The following PDE11A variants were observed in gnomAD, a reference collection of about 807,000 sequenced individuals.
The protein encoded by PDE11A is phosphodiesterase 11A.
Under a neutral mutation model 100.5 loss-of-function variants are expected in PDE11A, and 100 were observed. That is an observed-to-expected ratio of 1.00 (90% CI 0.85 to 1.18). The LOEUF (loss-of-function observed/expected upper bound fraction) is 1.18, where lower values mean the gene tolerates loss of function less well. Among genes scored for constraint, PDE11A ranks in the 50% most tolerant of loss-of-function variants. The probability of loss-of-function intolerance (pLI) is 0.00; values close to 1 mark genes in which losing one functional copy is unlikely to be tolerated. For missense variants in PDE11A, 1,141 were observed against 1,152.6 expected, an observed-to-expected ratio of 0.99 and a Z score of 0.15; for synonymous variants, 381 against 420.8, an observed-to-expected ratio of 0.91 and a Z score of 1.16.
At chr2:178,006,823 AGG>A (rs3067362) in intron 2 of PDE11A, among the ~76,000 whole-genome samples, 132,838 of 149,988 alleles carry the variant, frequency 0.89, 58,661 homozygotes, top group East Asian at 0.99. Flanking sequence ...TGTCAAAACA[AGG>A]GGGGGGGGGG....
chr2:177,922,379 A>G (rs965944503), intron 2 of PDE11A, among the ~76,000 whole-genome samples: 1 of 152,200 alleles, frequency 6.6e-6, no homozygotes, highest in African/African-American at 2.4e-5. Context: ...TGGCACATGT[A>G]TACATATGTA....
At chr2:177,690,378 T>C (rs1290498112) in intron 15 of PDE11A, among the ~76,000 whole-genome samples, 1 of 152,218 alleles carries the variant, frequency 6.6e-6, no homozygotes, top group Admixed American at 6.5e-5. Context: ...ATGGGGTTGG[T>C]TGAGCGCAGG....
In PDE11A at chr2:177,997,499, T is replaced by C. The variant is rs1054258328; in HGVS notation, c.1071+16803A>G. 7.5e-6 allele frequency: 6 copies of C among 804,006 alleles called. No individual in the cohort carries two copies. In the African/African-American group the frequency reaches 8.4e-5, roughly 11 times the overall value. 49.8% of individuals were successfully genotyped at this position (804,006 alleles called of 1,614,324 possible). A position where few individuals can be genotyped will look rare whatever the true frequency, so the allele number is the denominator to read the frequency against. On this transcript the variant is annotated intron_variant, in intron 2 of 19. Coordinates refer to ENST00000286063, the MANE Select transcript of PDE11A (RefSeq NM_016953.4). ...GTGGAAGAGATCCTTGATTAAAACA[T>C]TGATATTGTTTGTTGCTTTCAATGC... is the stretch of plus-strand genomic sequence containing the variant.
rs543663261 is a variant in PDE11A, at chr2:178,043,907, A to G, written c.912+27619T>C. ...AAGCTTGGGCTCTTTTCACCATATT[A>G]TGTTACTTTGAAGAGTTAGCAATTT... is the stretch of plus-strand genomic sequence containing the variant. On this transcript the variant is annotated intron_variant, in intron 1 of 19. Coordinates refer to ENST00000286063, the MANE Select transcript of PDE11A (RefSeq NM_016953.4). Among the ~76,000 whole-genome samples, 6 of 152,298 alleles carry G rather than the reference A, an allele frequency of 3.9e-5. No individual in the cohort carries two copies. In the South Asian group the frequency reaches 1.2e-3, roughly 32 times the overall value.
chr2:177,823,231 T>C (rs1021257740), intron 6 of PDE11A, among the ~76,000 whole-genome samples: 3 of 152,144 alleles, frequency 2.0e-5, no homozygotes, highest in Non-Finnish European at 2.9e-5. Flanking sequence ...GTATTGAGGA[T>C]AGAAAAATGG....
At chr2:178,001,010 C>A (rs1312029358) in intron 2 of PDE11A, among the ~76,000 whole-genome samples, 1 of 151,944 alleles carries the variant, frequency 6.6e-6, no homozygotes, top group Non-Finnish European at 1.5e-5. Context: ...CCTGGCTTTG[C>A]AAGCACAAGT....
At chr2:177,671,596 TAACCCATCAATTTGGAGACA>T (rs2080683252) in intron 17 of PDE11A, among the ~76,000 whole-genome samples, 1 of 152,038 alleles carries the variant, frequency 6.6e-6, no homozygotes, top group South Asian at 2.1e-4. Flanking sequence ...AAAAAAAATT[TAACCCATCAATTTGGAGACA>T]AACAAGAATG....
At chr2:178,050,440 G>A (rs1311188690) in intron 1 of PDE11A, among the ~76,000 whole-genome samples, 1 of 152,144 alleles carries the variant, frequency 6.6e-6, no homozygotes, top group Non-Finnish European at 1.5e-5. Context: ...AAATCAGAGT[G>A]CCTCTTCTCC....
chr2:177,955,464 G>C (rs1385004701), intron 2 of PDE11A, among the ~76,000 whole-genome samples: 1 of 152,206 alleles, frequency 6.6e-6, no homozygotes, highest in African/African-American at 2.4e-5. Context: ...AATGAAGCTA[G>C]AGGTATAGCA....
chr2:177,649,635 G>C (rs2080280281), intron 19 of PDE11A, among the ~76,000 whole-genome samples: 1 of 152,098 alleles, frequency 6.6e-6, no homozygotes. Flanking sequence ...TATTTACATA[G>C]AAAACAATGT....
chr2:177,638,790 C>T (rs2080093167), intron 19 of PDE11A, among the ~76,000 whole-genome samples: 1 of 152,308 alleles, frequency 6.6e-6, no homozygotes, highest in South Asian at 2.1e-4. Flanking sequence ...CATCCAATGC[C>T]TCATGTATTT....
intron 2 of PDE11A, among the ~76,000 whole-genome samples, chr2:178,096,953 C>T (rs146199700): frequency 1.3e-5 from 2 of 152,182 alleles, no homozygotes; most frequent in African/African-American, 4.8e-5. Context: ...GTGGTGCAAT[C>T]GCAACTCATT....
intron 1 of PDE11A, among the ~76,000 whole-genome samples, chr2:178,051,189 G>A (rs1239841219): frequency 6.6e-6 from 1 of 152,190 alleles, no homozygotes; most frequent in Non-Finnish European, 1.5e-5. Flanking sequence ...AGAAGAGAGT[G>A]GGGGCCAATA....
intron 2 of PDE11A, among the ~76,000 whole-genome samples, chr2:177,984,013 G>A (rs1392234251): frequency 6.6e-6 from 1 of 152,184 alleles, no homozygotes; most frequent in Non-Finnish European, 1.5e-5. Context: ...TCTCTTTAAT[G>A]CACTGGTGCT....
intron 2 of PDE11A, among the ~76,000 whole-genome samples, chr2:177,956,117 C>G (rs1001475751): frequency 7.2e-5 from 11 of 151,984 alleles, no homozygotes; most frequent in African/African-American, 2.7e-4. Context: ...TCAGAGTGAA[C>G]AGGCAACCTA....
chr2:177,937,547 G>T (rs1177155576), intron 2 of PDE11A, among the ~76,000 whole-genome samples: 1 of 152,200 alleles, frequency 6.6e-6, no homozygotes, highest in East Asian at 1.9e-4. Context: ...TCAAACTCCT[G>T]ACCTCGTGAT....
intron 9 of PDE11A, among the ~76,000 whole-genome samples, chr2:177,808,899 G>T (rs940019339): frequency 2.0e-5 from 3 of 151,944 alleles, no homozygotes; most frequent in African/African-American, 7.3e-5. Flanking sequence ...AACAAAATGT[G>T]GTATATACTT....
At chr2:177,969,436 TA>T (rs563871244) in intron 2 of PDE11A, among the ~76,000 whole-genome samples, 4 of 151,234 alleles carry the variant, frequency 2.6e-5, no homozygotes, top group Admixed American at 6.6e-5. Flanking sequence ...AGTAAAATAA[TA>T]AAAAAAAACT....
intron 19 of PDE11A, among the ~76,000 whole-genome samples, chr2:177,634,629 C>G (rs1263046547): frequency 1.3e-5 from 2 of 152,072 alleles, no homozygotes; most frequent in East Asian, 3.9e-4. Flanking sequence ...ACCTCGTGAT[C>G]CCCCCGCCTC....
Sources: gnomAD v4.1 joint callset for allele counts (sites outside exome capture counted in the v4.1 genomes callset) on GRCh38, gnomAD v4.1.1 for gene constraint, MANE v1.5 for transcripts, NCBI Gene and HGNC (gene_info 2026-07-23, HGNC 2026-07-21) for gene names.